Variants in ITGA8 observed in about 807,000 individuals in gnomAD.
The protein encoded by ITGA8 is integrin alpha-8.
ITGA8 carries 91 observed loss-of-function variants against 142.3 expected under a neutral mutation model. The observed-to-expected ratio is 0.64, with a 90% CI of 0.54 to 0.76. ITGA8 has a LOEUF of 0.76. Ranked by LOEUF, ITGA8 falls within the 30% of genes least tolerant of loss-of-function variation. The pLI is 0.00. For synonymous variants in ITGA8, 505 were observed against 485.2 expected (o/e 1.04, Z -0.54); for missense variants, 1,406 against 1,327.7 (o/e 1.06, Z -0.92).
At chr10:15,661,701 A>C (rs1263615675) in intron 8 of ITGA8, among the ~76,000 whole-genome samples, 1 of 152,144 alleles carries the variant, frequency 6.6e-6, no homozygotes, top group Non-Finnish European at 1.5e-5. Flanking sequence ...GTTCCGTCTC[A>C]GAGTCAAGGG....
At chr10:15,653,054 C>T (rs1834117702) in intron 11 of ITGA8, among the ~76,000 whole-genome samples, 1 of 152,236 alleles carries the variant, frequency 6.6e-6, no homozygotes, top group African/African-American at 2.4e-5. Flanking sequence ...CAGTGACCTG[C>T]ACACCTTCAT....
At chr10:15,545,551 A>C (rs947685284) in intron 27 of ITGA8, among the ~76,000 whole-genome samples, 1 of 152,214 alleles carries the variant, frequency 6.6e-6, no homozygotes, top group African/African-American at 2.4e-5. Context: ...GAACCATTAC[A>C]AGTACCTTTG....
chr10:15,541,252 C>G (rs1372799007), intron 27 of ITGA8, among the ~76,000 whole-genome samples: 1 of 152,158 alleles, frequency 6.6e-6, no homozygotes, highest in Non-Finnish European at 1.5e-5. Context: ...CACCTGTCAC[C>G]TGAAAAGGCA....
intron 8 of ITGA8, among the ~76,000 whole-genome samples, chr10:15,666,000 GCT>G (rs1834384376): frequency 6.6e-6 from 1 of 152,210 alleles, no homozygotes; most frequent in African/African-American, 2.4e-5. Flanking sequence ...GGCGAAGCCG[GCT>G]CTTTTTTGGT....
intron 13 of ITGA8, among the ~76,000 whole-genome samples, chr10:15,621,913 T>C (rs1311824930): frequency 6.6e-6 from 1 of 151,400 alleles, no homozygotes; most frequent in African/African-American, 2.4e-5. Context: ...ATCCCAGCAA[T>C]TTGGGAGGCC....
intron 25 of ITGA8, among the ~76,000 whole-genome samples, chr10:15,561,225 ATATATATATG>A (rs1264056277): frequency 2.0e-5 from 2 of 102,040 alleles, no homozygotes; most frequent in East Asian, 5.6e-4. Flanking sequence ...ATATATATAT[ATATATATATG>A]TATATATATA....
chr10:15,610,578 T>C (rs114998026), intron 15 of ITGA8, among the ~76,000 whole-genome samples: 78 of 152,306 alleles, frequency 5.1e-4, no homozygotes, highest in African/African-American at 1.7e-3. Context: ...ACAGTGCTTT[T>C]GATATGGCCA....
At chr10:15,634,947 T>G (rs1833745742) in intron 13 of ITGA8, among the ~76,000 whole-genome samples, 1 of 152,034 alleles carries the variant, frequency 6.6e-6, no homozygotes, top group Admixed American at 6.6e-5. Context: ...CAAAAGTATT[T>G]CCAAGAAAAC....
intron 27 of ITGA8, among the ~76,000 whole-genome samples, chr10:15,546,495 T>C (rs7919902): frequency 0.016 from 2,511 of 152,286 alleles, 78 homozygotes; most frequent in African/African-American, 0.057. Context: ...CTGAGGACAT[T>C]GGCAATATCT....
intron 17 of ITGA8, among the ~76,000 whole-genome samples, chr10:15,607,219 T>C (rs969643181): frequency 6.6e-6 from 1 of 152,222 alleles, no homozygotes; most frequent in African/African-American, 2.4e-5. Context: ...TTTGAAGTCA[T>C]TGTAAAAAGA....
At chr10:15,641,461 C>T (rs1226291278) in intron 13 of ITGA8, among the ~76,000 whole-genome samples, 2 of 152,104 alleles carry the variant, frequency 1.3e-5, no homozygotes, top group African/African-American at 2.4e-5. Context: ...CTCTGTAGGT[C>T]CTGGGATCTT....
intron 25 of ITGA8, among the ~76,000 whole-genome samples, chr10:15,567,607 A>G (rs17301063): frequency 0.017 from 2,554 of 152,318 alleles, 32 homozygotes; most frequent in Non-Finnish European, 0.025. Context: ...GAACCTGATG[A>G]AGCAGAAACT....
At chr10:15,545,173 T>C (rs1489855974) in intron 27 of ITGA8, among the ~76,000 whole-genome samples, 1 of 152,248 alleles carries the variant, frequency 6.6e-6, no homozygotes, top group Non-Finnish European at 1.5e-5. Flanking sequence ...AACAGAACTC[T>C]TGGTTTCCTC....
At chr10:15,615,219 G>A (rs1403495276) in intron 14 of ITGA8, among the ~76,000 whole-genome samples, 1 of 152,216 alleles carries the variant, frequency 6.6e-6, no homozygotes, top group Non-Finnish European at 1.5e-5. Flanking sequence ...TCTGAGTGGT[G>A]CACTCCACAG....
chr10:15,568,642 A>T (rs868108618), intron 25 of ITGA8, among the ~76,000 whole-genome samples: 2 of 152,304 alleles, frequency 1.3e-5, no homozygotes, highest in East Asian at 3.9e-4. Flanking sequence ...GATGTTTGGC[A>T]TTCAGAATGC....
intron 2 of ITGA8, among the ~76,000 whole-genome samples, chr10:15,707,172 C>T (rs760114032): frequency 1.1e-4 from 16 of 152,134 alleles, no homozygotes; most frequent in Non-Finnish European, 1.6e-4. Flanking sequence ...TATTAGGCTA[C>T]GTGGCAAAGA....
intron 25 of ITGA8, among the ~76,000 whole-genome samples, chr10:15,565,082 G>A (rs1834054357): frequency 6.6e-6 from 1 of 152,192 alleles, no homozygotes; most frequent in Admixed American, 6.5e-5. Flanking sequence ...GTGCAAACCT[G>A]AAGACCATCT....
At chr10:15,715,986 A>G (rs374668659) in intron 2 of ITGA8, among the ~76,000 whole-genome samples, 261 of 152,314 alleles carry the variant, frequency 1.7e-3, no homozygotes, top group Middle Eastern at 3.4e-3. Context: ...CCCACTGGCA[A>G]TCAAGGTTTC....
chr10:15,639,409 C>A (rs1378859458), intron 13 of ITGA8, among the ~76,000 whole-genome samples: 3 of 152,178 alleles, frequency 2.0e-5, no homozygotes, highest in African/African-American at 7.2e-5. Context: ...CTCTCATCCC[C>A]ATCTCAGAGT....
Sources: gnomAD v4.1 joint callset for allele counts (sites outside exome capture counted in the v4.1 genomes callset) on GRCh38, gnomAD v4.1.1 for gene constraint, MANE v1.5 for transcripts, NCBI Gene and HGNC (gene_info 2026-07-23, HGNC 2026-07-21) for gene names.